The following IQSEC3 variants were observed in gnomAD, a reference collection of about 807,000 sequenced individuals.
The protein encoded by IQSEC3 is IQ motif and Sec7 domain ArfGEF 3.
In IQSEC3, 50 loss-of-function variants were observed where a neutral mutation model predicts 105.4. The ratio of observed to expected loss-of-function variants is 0.47; its 90% CI spans 0.38 to 0.60. The LOEUF is 0.60. Among genes scored for constraint, IQSEC3 ranks in the 20% least tolerant of loss-of-function variants. IQSEC3 has a pLI of 0.00. For synonymous variants in IQSEC3, 708 were observed against 746.0 expected (o/e 0.95, Z 0.83); for missense variants, 1,415 against 1,630.0 (o/e 0.87, Z 2.27).
chr12:94,850 A>C (rs1249855020), intron 1 of IQSEC3, among the ~76,000 whole-genome samples: 2 of 152,248 alleles, frequency 1.3e-5, no homozygotes, highest in Admixed American at 6.5e-5. Flanking sequence ...CTGAAATGCC[A>C]GCGCTGTGGG....
intron 1 of IQSEC3, among the ~76,000 whole-genome samples, chr12:89,584 G>A (rs1864019399): frequency 6.6e-6 from 1 of 152,106 alleles, no homozygotes; most frequent in Non-Finnish European, 1.5e-5. Context: ...TCAGCCAAGT[G>A]ACCCTTTGTT....
chr12:157,555 A>G lies in IQSEC3; in HGVS notation c.2304A>G (p.Glu768=), dbSNP rs933811423. Residue 768 remains glutamate (E), a synonymous_variant, in exon 7 of 14, where the codon GAA becomes GAG. Transcript: ENST00000538872. ...FSQRYCMCNP[E]VVQQFHNPDT... ...AGCGCTACTGCATGTGCAACCCCGA[A>G]GTGGTTCAGCAGTTCCACAACCCCG... 6 of 1,614,054 alleles carry G rather than the reference A, an allele frequency of 3.7e-6. No homozygotes were observed. Among genetic ancestry groups the G allele is most frequent in the East Asian group, 2.2e-5 (1 of 44,874 alleles).
intron 3 of IQSEC3, among the ~76,000 whole-genome samples, chr12:126,205 C>G (rs965583044): frequency 6.6e-6 from 1 of 152,256 alleles, no homozygotes; most frequent in Non-Finnish European, 1.5e-5. Context: ...CCACTGACCA[C>G]TAGGCAAGGA....
chr12:153,386 GA>G (rs1301435077), intron 5 of IQSEC3, among the ~76,000 whole-genome samples: 1 of 152,138 alleles, frequency 6.6e-6, no homozygotes, highest in Non-Finnish European at 1.5e-5. Flanking sequence ...CTGCCGTTGG[GA>G]GCGTCTGCAG....
chr12:88,458 A>G (rs1408091616), intron 1 of IQSEC3, among the ~76,000 whole-genome samples: 1 of 152,232 alleles, frequency 6.6e-6, no homozygotes. Context: ...CCTTGATGGC[A>G]GAGGCATGGA....
At chr12:160,758 T>C (rs1474322977) in intron 7 of IQSEC3, among the ~76,000 whole-genome samples, 5 of 152,218 alleles carry the variant, frequency 3.3e-5, no homozygotes, top group Non-Finnish European at 5.9e-5. Flanking sequence ...GGCTGTGTGG[T>C]GTTTGAGTGG....
In IQSEC3 at chr12:138,654, A is replaced by G; in HGVS notation, c.1291A>G (p.Ser431Gly). The G allele has an allele frequency of 2.5e-6, 4 of 1,571,136 alleles. No homozygotes were observed. Among genetic ancestry groups the G allele is most frequent in the Non-Finnish European group, 3.4e-6 (4 of 1,166,644 alleles). ...CAAGACCATGTGCTCCCTGCGGGAGAGTGGCGCTTACCAGCTCCACCAGGC... is the reference window on the plus strand; with the variant it reads ...CAAGACCATGTGCTCCCTGCGGGAGGGTGGCGCTTACCAGCTCCACCAGGC... ...SLKTMCSLRE[S>G]GAYQLHQALQ... is the part of the protein sequence containing the mutation. Residue 431 changes from serine to glycine, a missense_variant, in exon 4 of 14, where the codon AGT becomes GGT. By Grantham distance (56) the Ser-to-Gly change is moderately conservative (BLOSUM62 0). Coordinates refer to ENST00000538872, the MANE Select transcript of IQSEC3 (RefSeq NM_001170738.2). This position sits in a 1 kb window ranked among gnomAD's most constrained non-coding sequence, Gnocchi z 7.1.
At chr12:128,911 C>A (rs1431556604) in intron 3 of IQSEC3, among the ~76,000 whole-genome samples, 2 of 152,212 alleles carry the variant, frequency 1.3e-5, no homozygotes, top group Non-Finnish European at 2.9e-5. Flanking sequence ...TCTCCAGGCT[C>A]CCTGCCACAG....
intron 1 of IQSEC3, among the ~76,000 whole-genome samples, chr12:69,320 C>G (rs1177393023): frequency 6.6e-6 from 1 of 152,288 alleles, no homozygotes; most frequent in African/African-American, 2.4e-5. Flanking sequence ...GGAACCCAAA[C>G]CCTTTCACTC....
At chr12:144,583 A>C (rs1359264530) in intron 5 of IQSEC3, 1 of 152,182 alleles carries the variant, frequency 6.6e-6, no homozygotes, top group African/African-American at 2.4e-5. Flanking sequence ...TGCGGAAAGG[A>C]AGAGGAGGGA....
intron 11 of IQSEC3, among the ~76,000 whole-genome samples, chr12:168,603 T>C (rs1420306617): frequency 6.6e-6 from 1 of 152,192 alleles, no homozygotes; most frequent in Non-Finnish European, 1.5e-5. Flanking sequence ...TTGTGCTTTA[T>C]GTGTATCTCC....
chr12:85,317 G>T, intron 1 of IQSEC3, among the ~76,000 whole-genome samples: 1 of 152,210 alleles, frequency 6.6e-6, no homozygotes, highest in East Asian at 1.9e-4. Flanking sequence ...GTCCTTTCAA[G>T]CTGGCTTTGC....
intron 1 of IQSEC3, among the ~76,000 whole-genome samples, chr12:91,231 G>A (rs1864074257): frequency 6.6e-6 from 1 of 152,124 alleles, no homozygotes; most frequent in Non-Finnish European, 1.5e-5. Flanking sequence ...TCCCACTGTG[G>A]TACTGCACTC....
chr12:154,682 C>T lies in IQSEC3; in HGVS notation c.2154-2343C>T, dbSNP rs940314781. Among the ~76,000 whole-genome samples the T allele has an allele frequency of 4.6e-5, 7 of 152,292 alleles. 1 individual carries two copies. On this transcript the variant is annotated intron_variant, in intron 5 of 13. Coordinates refer to ENST00000538872, the MANE Select transcript of IQSEC3 (RefSeq NM_001170738.2). ...CCACCACAGTCCGCGGTGCACTTCA[C>T]ATCTTCATCTCTACCAGACTTCTTC...
chr12:97,073 T>C (rs1043258346), intron 1 of IQSEC3, among the ~76,000 whole-genome samples: 1 of 152,222 alleles, frequency 6.6e-6, no homozygotes, highest in Admixed American at 6.5e-5. Context: ...CATCTTTCCA[T>C]TGGCTATGAA....
At chr12:94,656 CAT>C (rs1321612481) in intron 1 of IQSEC3, among the ~76,000 whole-genome samples, 4 of 152,234 alleles carry the variant, frequency 2.6e-5, no homozygotes, top group African/African-American at 9.6e-5. Flanking sequence ...TTACCCATCA[CAT>C]GTGTCACTGC....
chr12:137,179 G>A (rs756290713), intron 3 of IQSEC3, among the ~76,000 whole-genome samples: 21 of 152,058 alleles, frequency 1.4e-4, no homozygotes, highest in East Asian at 5.8e-4. Context: ...GCAAATCCAC[G>A]TTTACTGAGC....
At chr12:122,649 A>G (rs1270235023) in intron 2 of IQSEC3, among the ~76,000 whole-genome samples, 2 of 152,194 alleles carry the variant, frequency 1.3e-5, no homozygotes, top group African/African-American at 4.8e-5. Context: ...GCTCGATCCC[A>G]CTGGGGACTT....
chr12:77,060 A>C (rs1175420992), intron 1 of IQSEC3, among the ~76,000 whole-genome samples: 3 of 152,252 alleles, frequency 2.0e-5, no homozygotes, highest in Non-Finnish European at 4.4e-5. Context: ...CAGCTACAAA[A>C]ACTCTGCAAA....
Sources: gnomAD v4.1 joint callset for allele counts (sites outside exome capture counted in the v4.1 genomes callset) on GRCh38, gnomAD v4.1.1 for gene constraint, Gnocchi (gnomAD v3.1) non-coding constraint, MANE v1.5 for transcripts, NCBI Gene and HGNC (gene_info 2026-07-23, HGNC 2026-07-21) for gene names.